The following COL9A3 variants were observed in gnomAD, a reference collection of about 807,000 sequenced individuals.
The protein encoded by COL9A3 is collagen type IX alpha 3 chain.
In COL9A3, 82 loss-of-function variants were observed where a neutral mutation model predicts 110.2. That is an observed-to-expected ratio of 0.74 (90% CI 0.62 to 0.89). COL9A3 has a LOEUF of 0.89. COL9A3 is among the 40% of genes least tolerant of loss of function. The pLI, the probability that COL9A3 is intolerant of heterozygous loss-of-function variation, is 0.00. For synonymous variants in COL9A3, 494 were observed against 403.8 expected (o/e 1.22, Z -2.68); for missense variants, 1,066 against 981.3 (o/e 1.09, Z -1.15).
intron 30 of COL9A3, among the ~76,000 whole-genome samples, chr20:62,837,528 G>C (rs1213666522): frequency 6.6e-6 from 1 of 152,250 alleles, no homozygotes; most frequent in Non-Finnish European, 1.5e-5. Context: ...TGTGACGAAG[G>C]CTGGGCGCGG....
At chr20:62,840,498 C>G (rs763984404) in intron 31 of COL9A3, 44 bp from the exon 32 acceptor site, 1 of 1,566,302 alleles carries the variant, frequency 6.4e-7, no homozygotes, top group Non-Finnish European at 8.8e-7. Context: ...CCCCTGCTTT[C>G]AGTCCGGGCT....
At chr20:62,834,121 G>C (rs754643024) in intron 26 of COL9A3, among the ~76,000 whole-genome samples, 1 of 152,084 alleles carries the variant, frequency 6.6e-6, no homozygotes, top group Non-Finnish European at 1.5e-5. Flanking sequence ...CAATCTGCCC[G>C]CCTCGGCCTC....
chr20:62,836,227 G>A lies in COL9A3; in HGVS notation c.1442G>A (p.Gly481Asp). 1 of 1,613,676 alleles carries A rather than the reference G, an allele frequency of 6.2e-7. No homozygotes were observed. Among genetic ancestry groups the A allele is most frequent in the Non-Finnish European group, 8.5e-7 (1 of 1,179,982 alleles). Residue 481 changes from glycine to aspartate, a missense_variant, in exon 28 of 32, where the codon GGT (glycine) becomes GAT (aspartate). By Grantham distance (94) the Gly-to-Asp change is moderately conservative (BLOSUM62 -1). Transcript: ENST00000649368. ...GAGCTGGGCCCCAAAGGCACCCAGG[G>A]TCCCAACGGCACCAGCGGTGTTCAG... is the stretch of plus-strand genomic sequence containing the variant. ...RGELGPKGTQ[G>D]PNGTSGVQGV...
At chr20:62,826,280 G>A in intron 14 of COL9A3, 23 bp downstream of exon 14, 2 of 1,545,862 alleles carry the variant, frequency 1.3e-6, no homozygotes, top group South Asian at 2.4e-5. Context: ...GCCCCTAGTG[G>A]GGGCCGGCCA....
intron 26 of COL9A3, among the ~76,000 whole-genome samples, chr20:62,835,398 C>A (rs924696862): frequency 1.3e-5 from 2 of 152,236 alleles, no homozygotes; most frequent in African/African-American, 2.4e-5. Flanking sequence ...TCATGAGGAA[C>A]CCACTGCGGA....
At chr20:62,837,676 A>G (rs780868331) in intron 30 of COL9A3, among the ~76,000 whole-genome samples, 24 of 152,000 alleles carry the variant, frequency 1.6e-4, no homozygotes, top group South Asian at 6.2e-4. Flanking sequence ...GCATGGTGGC[A>G]CACGCCTGTA....
intron 5 of COL9A3, 54 bp downstream of exon 5, chr20:62,820,036 C>T (rs1207930707): frequency 3.2e-6 from 5 of 1,571,806 alleles, no homozygotes; most frequent in Non-Finnish European, 4.4e-6. Context: ...GGTCCCCTGG[C>T]CACCTCTGGC....
upstream of COL9A3, among the ~76,000 whole-genome samples, chr20:62,816,902 C>T (rs1186163990): frequency 6.6e-6 from 1 of 150,512 alleles, no homozygotes; most frequent in Non-Finnish European, 1.5e-5. Context: ...GGCTGGGCGG[C>T]GGCGCGGGGC....
Position 62,818,452 on chromosome 20 carries a change from C to A in COL9A3, c.148-66C>A, listed in dbSNP as rs1026561603. 15 of 1,499,252 alleles carry A rather than the reference C, an allele frequency of 1.0e-5. No homozygotes were observed. The African/African-American group carries it at 1.9e-4, about 19-fold the overall frequency. 92.9% of individuals were successfully genotyped at this position (1,499,252 alleles called of 1,614,324 possible). ...ATTTGGAGGCCAGCGCTGCTCTTTT[C>A]CCCGAGGCGGGGTTCTTGAGGGACC... On this transcript the variant is annotated intron_variant, in intron 2 of 31. Transcript: ENST00000649368.
chr20:62,817,620 C>T lies in COL9A3; in HGVS notation c.132C>T (p.Gly44=). The change falls in exon 2 of 32, where the codon GGC becomes GGT. Residue 44 remains glycine, a synonymous_variant. Coordinates refer to ENST00000649368, the MANE Select transcript of COL9A3 (RefSeq NM_001853.4). ...PGPPGPPGKP[G]QDGIDGEAGP... is the part of the protein sequence containing the mutation. ...CCCCAGGGCCGCCCGGGAAGCCCGG[C>T]CAGGACGGCATTGACGTGAGTTTGG... 4 of 1,545,378 alleles carry T rather than the reference C, an allele frequency of 2.6e-6. No homozygotes were observed. The highest frequency in any genetic ancestry group is 3.5e-6 in the Non-Finnish European group (4 of 1,144,538).
intron 14 of COL9A3, 34 bp from the exon 15 acceptor site, chr20:62,826,733 C>G (rs1568755123): frequency 6.2e-7 from 1 of 1,610,910 alleles, no homozygotes; most frequent in Admixed American, 1.7e-5. Context: ...AGGCCTCAGA[C>G]AAGAGGACCC....
Position 62,822,623 on chromosome 20 carries a change from T to G in COL9A3, c.510T>G (p.Thr170=), listed in dbSNP as rs773564885. ...CAGGAGTCCTCCCTGAAGGCGCTAC[T>G]GACCTTCAGGTAGGCACTTGAAGCC... The part of the protein sequence containing the change: ...GHPGVLPEGA[T]DLQCPSICPP... Residue 170 remains threonine, a synonymous_variant, in exon 10 of 32, where the codon ACT becomes ACG. Coordinates refer to ENST00000649368, the MANE Select transcript of COL9A3 (RefSeq NM_001853.4). 5.0e-6 allele frequency: 8 copies of G among 1,612,388 alleles called. No individual in the cohort carries two copies. The South Asian group carries it at 7.7e-5, about 15-fold the overall frequency.
chr20:62,839,567 C>T (rs1471172310), intron 31 of COL9A3, among the ~76,000 whole-genome samples: 2 of 132,472 alleles, frequency 1.5e-5, no homozygotes, highest in African/African-American at 8.6e-5. Context: ...GAGAAGGCAC[C>T]CGCTCCCACC....
chr20:62,824,848 C>A, intron 11 of COL9A3, 120 bp from the exon 12 acceptor site: 1 of 1,101,144 alleles, frequency 9.1e-7, no homozygotes, highest in Non-Finnish European at 1.4e-6. Flanking sequence ...GACCCGCGGT[C>A]CTGTGCGCTG....
chr20:62,832,251 C>T, intron 25 of COL9A3, 62 bp downstream of exon 25: 2 of 1,537,032 alleles, frequency 1.3e-6, no homozygotes, highest in South Asian at 1.1e-5. Flanking sequence ...TTCTCCCAGG[C>T]TCCTCCTGTC....
intron 24 of COL9A3, 93 bp from the exon 25 acceptor site, chr20:62,832,059 ATG>A (rs2063601193): frequency 1.7e-6 from 2 of 1,184,832 alleles, no homozygotes; most frequent in South Asian, 2.4e-5. Flanking sequence ...ACAGATGGAG[ATG>A]TGGGGAGGTG....
In COL9A3 at chr20:62,828,071, C is replaced by G; in HGVS notation, c.900+95C>G. 3.9e-6 allele frequency: 5 copies of G among 1,292,434 alleles called. No homozygotes were observed. In the East Asian group the frequency reaches 9.5e-5, roughly 25 times the overall value. The allele number at this position is 1,292,434 out of a possible 1,614,324, so 80.1% of individuals were successfully genotyped here. On this transcript the variant is annotated intron_variant, in intron 17 of 31. Transcript: ENST00000649368. Reference sequence around the variant, plus strand: ...TTCAGAAGGGCTGGAGCTCAGTGCCCTCTGCTGTGGCCATCTTGAAATCTG... The same window carrying G: ...TTCAGAAGGGCTGGAGCTCAGTGCCGTCTGCTGTGGCCATCTTGAAATCTG...
At chr20:62,816,899 C>T (rs1990934415), upstream of COL9A3, among the ~76,000 whole-genome samples, 1 of 151,342 alleles carries the variant, frequency 6.6e-6, no homozygotes, top group South Asian at 2.1e-4. Context: ...GCGGGCTGGG[C>T]GGCGGCGCGG....
At chr20:62,817,259 G>A in intron 1 of COL9A3, 117 bp downstream of exon 1, 1 of 754,318 alleles carries the variant, frequency 1.3e-6, no homozygotes, top group Non-Finnish European at 1.8e-6. Flanking sequence ...TGTCGCCGTC[G>A]GGGCGCGGAG....
Sources: gnomAD v4.1 joint callset for allele counts (sites outside exome capture counted in the v4.1 genomes callset) on GRCh38, gnomAD v4.1.1 for gene constraint, MANE v1.5 for transcripts, NCBI Gene and HGNC (gene_info 2026-07-23, HGNC 2026-07-21) for gene names.